Variants in LONP1 observed in about 807,000 individuals in gnomAD.
LONP1 encodes the protein lon protease homolog, mitochondrial.
Under a neutral mutation model 98.5 loss-of-function variants are expected in LONP1, and 31 were observed. That is an observed-to-expected ratio of 0.31 (90% confidence interval 0.24 to 0.42). The LOEUF (loss-of-function observed/expected upper bound fraction) is 0.42, where lower values mean the gene tolerates loss of function less well. Ranked by LOEUF, LONP1 falls within the 20% of genes least tolerant of loss-of-function variation. LONP1 has a pLI of 1.00. For missense variants in LONP1, 1,336 were observed against 1,350.6 expected (o/e 0.99, Z 0.17); for synonymous variants, 781 against 594.7 (o/e 1.31, Z -4.56).
chr19:5,719,837 CCCCCCGCGCCGCCGGCTCCTT>C lies in LONP1; in HGVS notation c.275_295del (p.Glu92_Gly98del), dbSNP rs775471209. ...CGGGCCTTCCCCGGCGCCCGCGCTG[CCCCCCGCGCCGCCGGCTCCTT>C]CCTCCGCGCCGCCCTCGGAGGCGTC... On this transcript the variant is annotated inframe_deletion, in exon 1 of 18. Transcript: ENST00000360614. 3.2e-5 allele frequency: 52 copies of C among 1,607,880 alleles called. No homozygotes were observed. Among genetic ancestry groups the C allele is most frequent in the African/African-American group, 4.0e-5 (3 of 74,602 alleles).
rs372365994 is a variant in LONP1, at chr19:5,711,346, C to T, written c.870+425G>A. ...GAAGCTGACTCCTTGTGCCACCAGGCAGGCAGGACGGCCTAGGTTGGGGGA... is the reference window on the plus strand; with the variant it reads ...GAAGCTGACTCCTTGTGCCACCAGGTAGGCAGGACGGCCTAGGTTGGGGGA... On this transcript the variant is annotated intron_variant, in intron 4 of 17. Transcript: ENST00000360614. Among the ~76,000 whole-genome samples, 34 of 152,368 alleles carry T rather than the reference C, an allele frequency of 2.2e-4. No individual in the cohort carries two copies. In the South Asian group the frequency reaches 7.0e-3, roughly 32 times the overall value.
At chr19:5,720,293 C>T, upstream of LONP1, 1 of 1,043,094 alleles carries the variant, frequency 9.6e-7, no homozygotes, top group Non-Finnish European at 1.3e-6. Flanking sequence ...GGAGTTCGAG[C>T]ATCGGATCGT....
intron 3 of LONP1, chr19:5,712,438 C>G (rs117472882): frequency 0.018 from 3,304 of 186,804 alleles, 63 homozygotes; most frequent in East Asian, 0.035. Flanking sequence ...AGACTGTCCC[C>G]AAGCACTTCA....
At chr19:5,700,698 G>A (rs1331454385) in intron 9 of LONP1, 91 bp downstream of exon 9, 6 of 1,532,820 alleles carry the variant, frequency 3.9e-6, no homozygotes, top group Admixed American at 3.7e-5. Context: ...TTCACCAGGG[G>A]GCTCCTTTGA....
chr19:5,710,082 ATTTT>A (rs35535433), intron 4 of LONP1, among the ~76,000 whole-genome samples: 41 of 137,548 alleles, frequency 3.0e-4, no homozygotes, highest in African/African-American at 8.8e-4. Flanking sequence ...GGCTGTCTGA[ATTTT>A]TTTTTTTTTT....
At chr19:5,705,727 G>C in intron 8 of LONP1, 45 bp downstream of exon 8, 1 of 1,574,284 alleles carries the variant, frequency 6.4e-7, no homozygotes, top group Non-Finnish European at 8.7e-7. Flanking sequence ...TGGGGGCTGA[G>C]GAGGGGTCAC....
Position 5,699,347 on chromosome 19 carries a change from C to T in LONP1, c.1507-142G>A, listed in dbSNP as rs554011729. On this transcript the variant is annotated intron_variant, in intron 9 of 17. Coordinates refer to ENST00000360614, the MANE Select transcript of LONP1 (RefSeq NM_004793.4). ...GGATTGTCCGGGAGGCTGAGCACAT[C>T]AGAGCTGCCACTGGCCACGGGGAGG... 2.7e-3 allele frequency: 1,564 copies of T among 570,200 alleles called. 19 individuals are homozygous for T. The South Asian group carries it at 0.031, about 11-fold the overall frequency. The allele number at this position is 570,200 out of a possible 1,614,324, so 35.3% of individuals were successfully genotyped here. A position where few individuals can be genotyped will look rare whatever the true frequency, so the allele number is the denominator to read the frequency against.
At position 5,699,062 on chromosome 19, in the gene LONP1, C is replaced by T. The variant is rs759053699; in HGVS notation, c.1650G>A (p.Gly550=). The T allele has an allele frequency of 1.4e-5, 23 of 1,608,630 alleles. No individual in the cohort carries two copies. Among genetic ancestry groups the T allele is most frequent in the Non-Finnish European group, 1.8e-5 (21 of 1,177,146 alleles). The change falls in exon 10 of 18, where the codon GGG becomes GGA. Residue 550 remains glycine (G), a synonymous_variant. Coordinates refer to ENST00000360614, the MANE Select transcript of LONP1 (RefSeq NM_004793.4). The part of the protein sequence containing the change: ...LNREYFRFSV[G]GMTDVAEIKG... ...TGATCTCAGCCACGTCAGTCATGCC[C>T]CCGACGCTGAAGCGGAAGTACTCTC...
intron 15 of LONP1, among the ~76,000 whole-genome samples, chr19:5,694,149 C>T (rs1303064883): frequency 1.3e-5 from 2 of 152,188 alleles, no homozygotes; most frequent in African/African-American, 4.8e-5. Context: ...TTGTCCTTAC[C>T]TGTAAGCCTA....
intron 8 of LONP1, among the ~76,000 whole-genome samples, chr19:5,704,094 G>A (rs1309180560): frequency 1.3e-5 from 2 of 152,222 alleles, no homozygotes; most frequent in Admixed American, 6.5e-5. Context: ...GACCCAGGGG[G>A]CCCAGGTTCC....
chr19:5,719,200 G>A (rs1029585163), intron 1 of LONP1, among the ~76,000 whole-genome samples: 9 of 152,104 alleles, frequency 5.9e-5, no homozygotes, highest in African/African-American at 2.2e-4. Flanking sequence ...AGCTTCAAAG[G>A]CAGAAATTTT....
In LONP1 at chr19:5,694,546, G is replaced by C. The variant is rs147588238; in HGVS notation, c.2161C>G (p.Arg721Gly). Residue 721 changes from arginine (R) to glycine (G), a missense_variant, in exon 15 of 18, where the codon CGG becomes GGG. Arg to Gly is a moderately radical substitution (Grantham distance 125). Coordinates refer to ENST00000360614, the MANE Select transcript of LONP1 (RefSeq NM_004793.4). The stretch of plus-strand genomic sequence containing the variant: ...CTGACAATCTTGTAGGCCGATTTCC[G>C]TAACACCTGGGCGGTCAGGGCAACA... ...NLQKQVEKVL[R>G]KSAYKIVSGE... is the part of the protein sequence containing the mutation. 3.1e-5 allele frequency: 50 copies of C among 1,612,092 alleles called. No homozygotes were observed. The highest frequency in any genetic ancestry group is 1.2e-5 in the Non-Finnish European group (14 of 1,179,652).
In LONP1 at chr19:5,719,933, C is replaced by T; in HGVS notation, c.200G>A (p.Gly67Glu). The change falls in exon 1 of 18, where the codon GGG becomes GAG. Residue 67 changes from glycine to glutamate, a missense_variant. By Grantham distance (98) the Gly-to-Glu change is moderately conservative (BLOSUM62 -2). Coordinates refer to ENST00000360614, the MANE Select transcript of LONP1 (RefSeq NM_004793.4). ...GCCGCGGCTGCTCGCTTCCCAAAAC[C>T]CCCGCCATTGGCCCCCAATTGCCGG... ...RGPAIGGQWRGFWEASSRGGG... is the reference protein window; with the variant it reads ...RGPAIGGQWREFWEASSRGGG... 1 of 1,558,112 alleles carries T rather than the reference C, an allele frequency of 6.4e-7. No individual in the cohort carries two copies. The highest frequency in any genetic ancestry group is 8.7e-7 in the Non-Finnish European group (1 of 1,152,934).
Position 5,691,957 on chromosome 19 carries a change from G to GT in LONP1, c.*74_*75insA. The GT allele has an allele frequency of 3.4e-6, 3 of 879,076 alleles. No homozygotes were observed. The highest frequency in any genetic ancestry group is 4.9e-6 in the Non-Finnish European group (3 of 609,368). The allele number at this position is 879,076 out of a possible 1,614,324, so 54.5% of individuals were successfully genotyped here. A position where few individuals can be genotyped will look rare whatever the true frequency, so the allele number is the denominator to read the frequency against. ...CTCGGTGGCTCCACTGCCAGGTCCG[G>GT]GCGCGCTCCCCACAGCGCTCAGTTC... is the stretch of plus-strand genomic sequence containing the variant. On this transcript the variant is annotated 3_prime_UTR_variant, in exon 18 of 18. Transcript: ENST00000360614.
Position 5,700,819 on chromosome 19 carries a change from G to A in LONP1, c.1476C>T (p.Tyr492=), listed in dbSNP as rs570309365. The stretch of plus-strand genomic sequence containing the variant: ...TGCGTTTCTTGACGTCCTCCATGCC[G>A]TAGTGGTCTTCCTCCAGCACTGCCT... ...RAQAVLEEDH[Y]GMEDVKKRIL... Residue 492 remains tyrosine (Y), a synonymous_variant, in exon 9 of 18, where the codon TAC becomes TAT. Coordinates refer to ENST00000360614, the MANE Select transcript of LONP1 (RefSeq NM_004793.4). 116 of 1,614,066 alleles carry A rather than the reference G, an allele frequency of 7.2e-5. 1 individual carries two copies. In the Middle Eastern group the frequency reaches 8.2e-4, roughly 11 times the overall value.
Position 5,696,047 on chromosome 19 carries a change from G to C in LONP1, c.2013+7C>G, listed in dbSNP as rs749994014. The C allele has an allele frequency of 1.1e-5, 17 of 1,610,284 alleles. No homozygotes were observed. The highest frequency in any genetic ancestry group is 1.4e-5 in the Non-Finnish European group (17 of 1,178,848). On this transcript the variant is annotated splice_region_variant and intron_variant, in intron 13 of 17. Coordinates refer to ENST00000360614, the MANE Select transcript of LONP1 (RefSeq NM_004793.4). ...AGGGGACAGCAGTGGGGAGGGGCTG[G>C]GCTTACCTCCGCAATGGCCAGCTTC...
intron 4 of LONP1, among the ~76,000 whole-genome samples, chr19:5,710,570 G>A (rs928162588): frequency 3.3e-5 from 5 of 151,762 alleles, no homozygotes; most frequent in African/African-American, 1.2e-4. Context: ...GTGGAGACAG[G>A]GGTCTCAATA....
At chr19:5,706,915 A>C in intron 7 of LONP1, 145 bp downstream of exon 7, 1 of 653,984 alleles carries the variant, frequency 1.5e-6, no homozygotes, top group Non-Finnish European at 2.7e-6. Context: ...AGATGATGGC[A>C]CGAAGCCCTC....
intron 6 of LONP1, 150 bp downstream of exon 6, chr19:5,707,547 C>T (rs947974058): frequency 1.3e-6 from 1 of 793,552 alleles, no homozygotes; most frequent in Admixed American, 2.3e-5. Flanking sequence ...CAGGGACACA[C>T]AGCTGGGTGT....
Sources: gnomAD v4.1 joint callset for allele counts (sites outside exome capture counted in the v4.1 genomes callset) on GRCh38, gnomAD v4.1.1 for gene constraint, MANE v1.5 for transcripts, NCBI Gene and HGNC (gene_info 2026-07-23, HGNC 2026-07-21) for gene names.